Variants in FGF20 observed in about 807,000 individuals in gnomAD.
FGF20 encodes the protein fibroblast growth factor 20.
FGF20 carries 8 observed loss-of-function variants against 16.7 expected under a neutral mutation model. The ratio of observed to expected loss-of-function variants is 0.48; its 90% CI spans 0.28 to 0.87. FGF20 has a LOEUF of 0.87. Ranked by LOEUF, FGF20 falls within the 40% of genes least tolerant of loss-of-function variation. The probability of loss-of-function intolerance (pLI) is 0.10; values close to 1 mark genes in which losing one functional copy is unlikely to be tolerated. For missense variants in FGF20, 397 were observed against 281.4 expected, an observed-to-expected ratio of 1.41 and a Z score of -2.94; for synonymous variants, 161 against 118.6, an observed-to-expected ratio of 1.36 and a Z score of -2.32.
At chr8:16,994,003 A>G (rs1689902) in intron 2 of FGF20, among the ~76,000 whole-genome samples, 145,788 of 152,204 alleles carry the variant, frequency 0.96, 70,132 homozygotes, top group East Asian at 1. Context: ...AGTTTTTAAC[A>G]GGCCACAGAC....
At position 16,992,239 on chromosome 8, in the gene FGF20, C is replaced by G. The variant is rs1563231433; in HGVS notation, c.*833G>C. 3 of 145,600 alleles carry G rather than the reference C, an allele frequency of 2.1e-5. No individual in the cohort carries two copies. The highest frequency in any genetic ancestry group is 4.5e-5 in the Non-Finnish European group (3 of 66,860). The allele number at this position is 145,600 out of a possible 1,614,324, so 9.0% of individuals were successfully genotyped here. A position where few individuals can be genotyped will look rare whatever the true frequency, so the allele number is the denominator to read the frequency against. ...TTGAATTTAATACAAATCAATGAGG[C>G]ATTTTTCTAGGCCAAAAGAAACCAA... On this transcript the variant is annotated 3_prime_UTR_variant, in exon 3 of 3. Coordinates refer to ENST00000180166, the MANE Select transcript of FGF20 (RefSeq NM_019851.3).
At chr8:16,994,566 C>T (rs1207997259) in intron 2 of FGF20, among the ~76,000 whole-genome samples, 4 of 151,970 alleles carry the variant, frequency 2.6e-5, no homozygotes, top group African/African-American at 7.3e-5. Context: ...TGAGCTGACA[C>T]GAAGCCTAGA....
chr8:16,997,522 T>C (rs540515340), intron 1 of FGF20, among the ~76,000 whole-genome samples: 1 of 152,356 alleles, frequency 6.6e-6, no homozygotes, highest in South Asian at 2.1e-4. Flanking sequence ...ATTCACTCTT[T>C]GTCAGAAACA....
At position 16,995,690 on chromosome 8, in the gene FGF20, G is replaced by T; in HGVS notation, c.355C>A (p.Leu119Ile). ...SIRGVDSGLY[L>I]GMNDKGELYG... ...AGTTCTCCTTTGTCATTCATTCCAA[G>T]ATAGAGACCACTGTCCACACCTCTA... is the stretch of plus-strand genomic sequence containing the variant. Residue 119 changes from leucine to isoleucine, a missense_variant, in exon 2 of 3, where the codon CTT (leucine) becomes ATT (isoleucine). Leu to Ile is a conservative substitution (Grantham distance 5, BLOSUM62 2). Transcript: ENST00000180166. 1.2e-6 allele frequency: 2 copies of T among 1,604,624 alleles called. No homozygotes were observed. The highest frequency in any genetic ancestry group is 1.7e-6 in the Non-Finnish European group (2 of 1,172,732).
chr8:16,994,626 T>A (rs1382772109), intron 2 of FGF20, among the ~76,000 whole-genome samples: 1 of 152,208 alleles, frequency 6.6e-6, no homozygotes, highest in Non-Finnish European at 1.5e-5. Flanking sequence ...TACTTCAATA[T>A]CATCACCAAT....
chr8:16,993,232 C>T lies in FGF20; in HGVS notation c.476G>A (p.Gly159Glu). The change falls in exon 3 of 3, where the codon GGA (glycine) becomes GAA (glutamate). Residue 159 changes from glycine to glutamate, a missense_variant. Physicochemically the swap from Gly to Glu is moderately conservative, Grantham distance 98. Transcript: ENST00000180166. ...CACAAAATACCTGCGGCCAGTGTCT[C>T]CATGTTTATATATGTTAGATGAATA... is the stretch of plus-strand genomic sequence containing the variant. The part of the protein sequence containing the change: ...NTYSSNIYKH[G>E]DTGRRYFVAL... The T allele has an allele frequency of 6.2e-7, 1 of 1,614,064 alleles. No individual in the cohort carries two copies. Among genetic ancestry groups the T allele is most frequent in the Non-Finnish European group, 8.5e-7 (1 of 1,180,002 alleles).
chr8:17,001,881 C>G lies in FGF20; in HGVS notation c.152G>C (p.Gly51Ala). 2 of 1,435,742 alleles carry G rather than the reference C, an allele frequency of 1.4e-6. No homozygotes were observed. Among genetic ancestry groups the G allele is most frequent in the Non-Finnish European group, 1.8e-6 (2 of 1,099,824 alleles). The allele number at this position is 1,435,742 out of a possible 1,614,324, so 88.9% of individuals were successfully genotyped here. A position where few individuals can be genotyped will look rare whatever the true frequency, so the allele number is the denominator to read the frequency against. ...RSAAERSARGGPGAAQLAHLH... is the reference protein window; with the variant it reads ...RSAAERSARGAPGAAQLAHLH... ...GTGCGCCAGCTGCGCAGCCCCCGGC[C>G]CGCCGCGCGCGCTCCGCTCCGCCGC... The change falls in exon 1 of 3, where the codon GGG (glycine) becomes GCG (alanine). Residue 51 changes from glycine to alanine, a missense_variant. Coordinates refer to ENST00000180166, the MANE Select transcript of FGF20 (RefSeq NM_019851.3).
At chr8:16,999,818 C>T (rs572240640) in intron 1 of FGF20, among the ~76,000 whole-genome samples, 30 of 151,446 alleles carry the variant, frequency 2.0e-4, no homozygotes, top group Non-Finnish European at 4.0e-4. Flanking sequence ...GGATTACAGG[C>T]GTGAGCCACT....
chr8:16,996,324 G>T lies in FGF20; in HGVS notation c.287-566C>A, dbSNP rs909457956. On this transcript the variant is annotated intron_variant, in intron 1 of 2. Coordinates refer to ENST00000180166, the MANE Select transcript of FGF20 (RefSeq NM_019851.3). ...CTACGACAATGGTATAATGTGAAAG[G>T]TGTGAAACCTTACACCAGACTGAGC... 2.0e-5 allele frequency among the ~76,000 whole-genome samples: 3 copies of T among 152,134 alleles called. No individual in the cohort carries two copies. In the East Asian group the frequency reaches 5.8e-4, roughly 29 times the overall value.
chr8:16,992,435 C>A lies in FGF20; in HGVS notation c.*637G>T, dbSNP rs1809935363. The A allele has an allele frequency of 1.3e-5, 2 of 151,704 alleles. No homozygotes were observed. Among genetic ancestry groups the A allele is most frequent in the African/African-American group, 4.8e-5 (2 of 41,352 alleles). The allele number at this position is 151,704 out of a possible 1,614,324, so 9.4% of individuals were successfully genotyped here. On this transcript the variant is annotated 3_prime_UTR_variant, in exon 3 of 3. Coordinates refer to ENST00000180166, the MANE Select transcript of FGF20 (RefSeq NM_019851.3). ...ATAACGGAAGTTTTGTTGTTTTTTA[C>A]TCTTTGTATTATCTTCATATCCCAG...
intron 2 of FGF20, among the ~76,000 whole-genome samples, chr8:16,994,137 C>T (rs1303372721): frequency 6.6e-6 from 1 of 152,134 alleles, no homozygotes; most frequent in African/African-American, 2.4e-5. Flanking sequence ...TGTCCCATAT[C>T]ATCACCCTAC....
In FGF20 at chr8:16,992,829, A is replaced by T; in HGVS notation, c.*243T>A. On this transcript the variant is annotated 3_prime_UTR_variant, in exon 3 of 3. Transcript: ENST00000180166. ...TTTAACAGATTTTTGGCTTCAGTCT[A>T]CTGGTAAGGACTAATCCAATGTATC... 1 of 366,982 alleles carries T rather than the reference A, an allele frequency of 2.7e-6. No homozygotes were observed. Among genetic ancestry groups the T allele is most frequent in the Non-Finnish European group, 4.8e-6 (1 of 208,514 alleles). The allele number at this position is 366,982 out of a possible 1,614,324, so 22.7% of individuals were successfully genotyped here.
intron 1 of FGF20, among the ~76,000 whole-genome samples, chr8:16,999,604 C>A (rs1056757570): frequency 7.1e-6 from 1 of 140,098 alleles, no homozygotes; most frequent in African/African-American, 2.6e-5. Flanking sequence ...CTCACTGCAA[C>A]CTGCGCCTCC....
Position 16,993,076 on chromosome 8 carries a change from G to A in FGF20, c.632C>T (p.Thr211Ile). The A allele has an allele frequency of 1.9e-6, 3 of 1,613,804 alleles. No homozygotes were observed. The highest frequency in any genetic ancestry group is 2.5e-6 in the Non-Finnish European group (3 of 1,179,920). ...PELYKDLLMYT is the reference protein window; with the variant it reads ...PELYKDLLMYI ...CCATAATGTCACTATCGCACTTCAA[G>A]TGTACATCAGTAGGTCCTTGTACAA... Residue 211 changes from threonine (T) to isoleucine (I), a missense_variant, in exon 3 of 3, where the codon ACT (threonine) becomes ATT (isoleucine). By Grantham distance (89) the Thr-to-Ile change is moderately conservative (BLOSUM62 -1). Transcript: ENST00000180166.
chr8:16,999,064 A>G (rs1458270824), intron 1 of FGF20, among the ~76,000 whole-genome samples: 2 of 152,192 alleles, frequency 1.3e-5, no homozygotes, highest in Admixed American at 1.3e-4. Flanking sequence ...TAGCTTGAAC[A>G]TAAACTTTCT....
Position 17,001,924 on chromosome 8 carries a change from G to A in FGF20, c.109C>T (p.Leu37=). The change falls in exon 1 of 3, where the codon CTG becomes TTG. Residue 37 remains leucine (L), a synonymous_variant. Transcript: ENST00000180166. ...LPPAGERPPL[L]GERRSAAERS... ...TCCGCCGCGCTCCTGCGCTCGCCCA[G>A]CAGCGGCGGCCGCTCCCCGGCAGGA... 1 of 1,491,914 alleles carries A rather than the reference G, an allele frequency of 6.7e-7. No individual in the cohort carries two copies. Among genetic ancestry groups the A allele is most frequent in the Non-Finnish European group, 8.9e-7 (1 of 1,122,100 alleles). 92.4% of individuals were successfully genotyped at this position (1,491,914 alleles called of 1,614,324 possible). A position where few individuals can be genotyped will look rare whatever the true frequency, so the allele number is the denominator to read the frequency against.
At chr8:16,999,517 CCT>C (rs1491328109) in intron 1 of FGF20, among the ~76,000 whole-genome samples, 1 of 112,578 alleles carries the variant, frequency 8.9e-6, no homozygotes, top group East Asian at 3.0e-4. Flanking sequence ...TTACAAGTTT[CCT>C]TTTTTTTTTT....
intron 1 of FGF20, among the ~76,000 whole-genome samples, chr8:16,997,415 A>G (rs144965865): frequency 6.6e-6 from 1 of 152,196 alleles, no homozygotes; most frequent in Non-Finnish European, 1.5e-5. Context: ...TTTATTGTAC[A>G]AGTTCCTGTT....
chr8:16,996,933 T>A (rs10095457), intron 1 of FGF20, among the ~76,000 whole-genome samples: 6,295 of 152,290 alleles, frequency 0.041, 429 homozygotes, highest in African/African-American at 0.15. Flanking sequence ...TCAAGACTTT[T>A]TGGATTATAT....
Sources: allele counts gnomAD v4.1 joint callset (sites outside exome capture counted in the v4.1 genomes callset), GRCh38; gene constraint gnomAD v4.1.1; transcripts MANE v1.5; gene names NCBI Gene and HGNC (gene_info 2026-07-23, HGNC 2026-07-21).